Variants in SERPINI1 observed in about 807,000 individuals in gnomAD.
SERPINI1 encodes serpin family I member 1.
In SERPINI1, 19 loss-of-function variants were observed where a neutral mutation model predicts 41.1. The observed-to-expected ratio is 0.46, with a 90% confidence interval of 0.32 to 0.68. SERPINI1 has a LOEUF of 0.68. Ranked by LOEUF, SERPINI1 falls within the 30% of genes least tolerant of loss-of-function variation. The pLI is 0.03. For missense variants in SERPINI1, 460 were observed against 479.2 expected, an observed-to-expected ratio of 0.96 and a Z score of 0.37; for synonymous variants, 138 against 156.6, an observed-to-expected ratio of 0.88 and a Z score of 0.89.
Position 167,794,708 on chromosome 3 carries a change from G to C in SERPINI1, c.765G>C (p.Leu255=). Residue 255 remains leucine, a synonymous_variant, in exon 5 of 9, where the codon CTG becomes CTC. Transcript: ENST00000446050. The stretch of plus-strand genomic sequence containing the variant: ...AAGGAGATGAAATAAGCATGATGCT[G>C]GTGCTGTCCAGACAGGAAGTTCCTC... ...PYEGDEISMM[L]VLSRQEVPLA... 1 of 1,613,646 alleles carries C rather than the reference G, an allele frequency of 6.2e-7. No individual in the cohort carries two copies.
Position 167,789,160 on chromosome 3 carries a change from T to C in SERPINI1, c.32T>C (p.Val11Ala). The C allele has an allele frequency of 6.2e-7, 1 of 1,614,138 alleles. No homozygotes were observed. The highest frequency in any genetic ancestry group is 1.7e-5 in the Admixed American group (1 of 60,026). ...TTCCTTGGACTCTTCTCTTTGCTGG[T>C]TCTGCAAAGTATGGCTACAGGGGCC... MAFLGLFSLLVLQSMATGATF... is the reference protein window; with the variant it reads MAFLGLFSLLALQSMATGATF... The change falls in exon 2 of 9, where the codon GTT becomes GCT. Residue 11 changes from valine to alanine, a missense_variant. Val to Ala is a moderately conservative substitution (Grantham distance 64). Coordinates refer to ENST00000446050, the MANE Select transcript of SERPINI1 (RefSeq NM_001122752.2).
intron 1 of SERPINI1, among the ~76,000 whole-genome samples, chr3:167,768,844 A>T (rs1430493794): frequency 6.6e-6 from 1 of 152,198 alleles, no homozygotes; most frequent in Non-Finnish European, 1.5e-5. Flanking sequence ...AAATATGCTT[A>T]TGGTAAAGGT....
chr3:167,805,929 C>G (rs1268236055), intron 5 of SERPINI1, among the ~76,000 whole-genome samples: 1 of 151,788 alleles, frequency 6.6e-6, no homozygotes, highest in Non-Finnish European at 1.5e-5. Context: ...ATGCTGTTTT[C>G]TAAAACCAGA....
At chr3:167,760,104 T>C (rs542598396) in intron 1 of SERPINI1, among the ~76,000 whole-genome samples, 1 of 152,092 alleles carries the variant, frequency 6.6e-6, no homozygotes, top group Non-Finnish European at 1.5e-5. Context: ...TATATGAAAA[T>C]AGATATGACT....
intron 2 of SERPINI1, 42 bp from the exon 3 acceptor site, chr3:167,790,330 G>C: frequency 7.1e-7 from 1 of 1,407,206 alleles, no homozygotes; most frequent in African/African-American, 1.4e-5. Context: ...ACATTTCACC[G>C]TGTTTGTTCT....
intron 6 of SERPINI1, among the ~76,000 whole-genome samples, chr3:167,807,734 G>C (rs759178521): frequency 6.6e-6 from 1 of 152,272 alleles, no homozygotes; most frequent in South Asian, 2.1e-4. Flanking sequence ...AGTGACTGCT[G>C]TGAGAGCTAG....
At chr3:167,808,288 T>TA (rs33942785) in intron 6 of SERPINI1, among the ~76,000 whole-genome samples, 15,633 of 145,978 alleles carry the variant, frequency 0.11, 1,211 homozygotes, top group African/African-American at 0.22. Context: ...TTTTTCAGAG[T>TA]AAAAAAAAAA....
At chr3:167,821,207 AGCTGTAACACAAATAGG>A (rs1230180886) in intron 6 of SERPINI1, among the ~76,000 whole-genome samples, 1 of 152,132 alleles carries the variant, frequency 6.6e-6, no homozygotes. Flanking sequence ...GGACTGAAAG[AGCTGTAACACAAATAGG>A]GCTGAAACAT....
At chr3:167,775,104 T>C (rs539312874) in intron 1 of SERPINI1, among the ~76,000 whole-genome samples, 1 of 152,158 alleles carries the variant, frequency 6.6e-6, no homozygotes, top group Non-Finnish European at 1.5e-5. Context: ...ATTATCAAGA[T>C]AAGTTTAAAA....
At chr3:167,775,261 A>G (rs1192290418) in intron 1 of SERPINI1, among the ~76,000 whole-genome samples, 11 of 145,194 alleles carry the variant, frequency 7.6e-5, no homozygotes, top group African/African-American at 2.8e-4. Flanking sequence ...TATTATTATT[A>G]TTATTATTAT....
At chr3:167,813,037 A>C (rs953594330) in intron 6 of SERPINI1, among the ~76,000 whole-genome samples, 1 of 152,226 alleles carries the variant, frequency 6.6e-6, no homozygotes, top group Non-Finnish European at 1.5e-5. Flanking sequence ...TTAATAAAGG[A>C]GCCAATAAAA....
chr3:167,787,664 G>T (rs1415667203), intron 1 of SERPINI1, among the ~76,000 whole-genome samples: 1 of 152,230 alleles, frequency 6.6e-6, no homozygotes. Flanking sequence ...CGGAGGTGGT[G>T]AGAGTTCATA....
At chr3:167,772,895 C>CATATATATATATATATAT (rs1338559053) in intron 1 of SERPINI1, among the ~76,000 whole-genome samples, 14 of 34,366 alleles carry the variant, frequency 4.1e-4, no homozygotes, top group African/African-American at 2.4e-3. Context: ...TATATATATA[C>CATATATATATATATATAT]ACACACACAC....
In SERPINI1 at chr3:167,794,064, T is replaced by G. The variant is rs368014854; in HGVS notation, c.677-556T>G. ...AAGTGCCAGGTATTAAATGGTCAAA[T>G]TTTCCCTTCTTAAAAATCAGGTGAA... On this transcript the variant is annotated intron_variant, in intron 4 of 8. Transcript: ENST00000446050. Among the ~76,000 whole-genome samples the G allele has an allele frequency of 4.1e-4, 63 of 152,246 alleles. No homozygotes were observed. The South Asian group carries it at 0.013, about 31-fold the overall frequency.
intron 1 of SERPINI1, among the ~76,000 whole-genome samples, chr3:167,751,454 C>T (rs1234170677): frequency 6.6e-6 from 1 of 152,154 alleles, no homozygotes; most frequent in Non-Finnish European, 1.5e-5. Flanking sequence ...AGCTTAGTCT[C>T]TATAAGCAAA....
chr3:167,765,011 G>T (rs1726513674), intron 1 of SERPINI1, among the ~76,000 whole-genome samples: 1 of 152,162 alleles, frequency 6.6e-6, no homozygotes, highest in African/African-American at 2.4e-5. Flanking sequence ...ACTTTGCAGG[G>T]TACACCCTCC....
chr3:167,811,684 TA>T (rs59710391), intron 6 of SERPINI1, among the ~76,000 whole-genome samples: 64,677 of 150,688 alleles, frequency 0.43, 15,854 homozygotes, highest in East Asian at 0.92. Flanking sequence ...CTTTTTTAAT[TA>T]AAATTGTTAC....
intron 5 of SERPINI1, among the ~76,000 whole-genome samples, chr3:167,799,887 G>A (rs934051087): frequency 6.6e-6 from 1 of 151,838 alleles, no homozygotes; most frequent in African/African-American, 2.4e-5. Context: ...ACTTTTTGAT[G>A]GGTATTTTTT....
chr3:167,794,400 A>G (rs1051943507), intron 4 of SERPINI1, among the ~76,000 whole-genome samples: 1 of 152,074 alleles, frequency 6.6e-6, no homozygotes, highest in Non-Finnish European at 1.5e-5. Context: ...TAACAAATTT[A>G]AACCTTTTTA....
Sources: allele counts gnomAD v4.1 joint callset (sites outside exome capture counted in the v4.1 genomes callset), GRCh38; gene constraint gnomAD v4.1.1; transcripts MANE v1.5; gene names NCBI Gene and HGNC (gene_info 2026-07-23, HGNC 2026-07-21).